The following ARAP2 variants were observed in gnomAD, a reference collection of about 807,000 sequenced individuals.
The protein encoded by ARAP2 is ArfGAP with RhoGAP domain, ankyrin repeat and PH domain 2.
In ARAP2, 148 loss-of-function variants were observed where a neutral mutation model predicts 194.5. The observed-to-expected ratio is 0.76, with a 90% confidence interval of 0.67 to 0.87. The LOEUF (loss-of-function observed/expected upper bound fraction) is 0.87, where lower values mean the gene tolerates loss of function less well. Ranked by LOEUF, ARAP2 falls within the 40% of genes least tolerant of loss-of-function variation. ARAP2 has a pLI of 0.00. For missense variants in ARAP2, 2,128 were observed against 1,989.7 expected (o/e 1.07, Z -1.32); for synonymous variants, 695 against 683.5 (o/e 1.02, Z -0.26).
At chr4:36,071,774 T>C (rs902076283) in intron 32 of ARAP2, among the ~76,000 whole-genome samples, 2 of 151,358 alleles carry the variant, frequency 1.3e-5, no homozygotes, top group African/African-American at 2.4e-5. Context: ...TATGTATACA[T>C]GTGCCATGCT....
At chr4:36,052,778 C>A (rs912401311) in intron 2 of ARAP2, among the ~76,000 whole-genome samples, 14 of 152,056 alleles carry the variant, frequency 9.2e-5, no homozygotes, top group African/African-American at 3.4e-4. Context: ...TCGTGGCTAG[C>A]ACGGTGAAAC....
chr4:36,031,884 G>T (rs930252354), intron 5 of ARAP2, among the ~76,000 whole-genome samples: 3 of 152,012 alleles, frequency 2.0e-5, no homozygotes, highest in Non-Finnish European at 4.4e-5. Context: ...GGACAGGCTG[G>T]TCTTGAACTC....
intron 27 of ARAP2, among the ~76,000 whole-genome samples, chr4:36,105,853 T>C (rs1718270955): frequency 1.3e-5 from 2 of 151,984 alleles, no homozygotes; most frequent in Admixed American, 6.6e-5. Flanking sequence ...GCCAACCTAC[T>C]AGCATTCACA....
chr4:36,022,183 T>C (rs1320329820), intron 5 of ARAP2, among the ~76,000 whole-genome samples: 1 of 152,208 alleles, frequency 6.6e-6, no homozygotes, highest in Non-Finnish European at 1.5e-5. Context: ...ATGACTATAG[T>C]GGAGAGGTAG....
chr4:36,053,427 A>G (rs1577672054), intron 2 of ARAP2, among the ~76,000 whole-genome samples: 1 of 152,188 alleles, frequency 6.6e-6, no homozygotes, highest in Non-Finnish European at 1.5e-5. Context: ...CTACCAAAAT[A>G]TAGAACATTA....
At chr4:36,175,915 T>C (rs1737804438) in intron 9 of ARAP2, among the ~76,000 whole-genome samples, 1 of 152,168 alleles carries the variant, frequency 6.6e-6, no homozygotes, top group Non-Finnish European at 1.5e-5. Context: ...CTTGTTTGAC[T>C]TTTCCTCTTG....
At chr4:36,135,499 AT>A (rs1193335281) in intron 19 of ARAP2, among the ~76,000 whole-genome samples, 4 of 151,536 alleles carry the variant, frequency 2.6e-5, no homozygotes, top group Non-Finnish European at 5.9e-5. Flanking sequence ...TATTGTTTCT[AT>A]TTTCCACAAC....
At chr4:36,238,768 T>G (rs1752921327) in intron 1 of ARAP2, among the ~76,000 whole-genome samples, 1 of 152,172 alleles carries the variant, frequency 6.6e-6, no homozygotes, top group Admixed American at 6.5e-5. Context: ...GCAATGGTAA[T>G]GTAGAATTTA....
chr4:36,104,918 A>G (rs1420490096), intron 27 of ARAP2, among the ~76,000 whole-genome samples: 18 of 152,018 alleles, frequency 1.2e-4, no homozygotes, highest in African/African-American at 4.8e-5. Context: ...AGTTCCTGGT[A>G]CAATAACAAG....
rs184956113 is a variant in ARAP2, at chr4:36,131,537, T to C, written c.3427+1689A>G. On this transcript the variant is annotated intron_variant, in intron 20 of 32. Transcript: ENST00000303965. ...ATTCTAACATGCAAGTGAAGGCATCTTGTAATAGAGGTATAAAGTTGTTAT... is the reference window on the plus strand; with the variant it reads ...ATTCTAACATGCAAGTGAAGGCATCCTGTAATAGAGGTATAAAGTTGTTAT... Among the ~76,000 whole-genome samples the C allele has an allele frequency of 1.5e-3, 224 of 151,684 alleles. No individual in the cohort carries two copies. The Middle Eastern group carries it at 0.017, about 12-fold the overall frequency.
At chr4:36,010,236 G>A (rs1714208170) in intron 9 of ARAP2, among the ~76,000 whole-genome samples, 1 of 150,946 alleles carries the variant, frequency 6.6e-6, no homozygotes, top group Non-Finnish European at 1.5e-5. Context: ...ATATATAACT[G>A]ATATAGGTGA....
At chr4:36,139,835 G>C (rs1727811184) in intron 19 of ARAP2, among the ~76,000 whole-genome samples, 1 of 151,584 alleles carries the variant, frequency 6.6e-6, no homozygotes, top group South Asian at 2.1e-4. Context: ...AAATACTCAG[G>C]AATTACTCTG....
At chr4:36,234,644 T>G (rs1752124666) in intron 1 of ARAP2, among the ~76,000 whole-genome samples, 1 of 152,224 alleles carries the variant, frequency 6.6e-6, no homozygotes, top group Admixed American at 6.5e-5. Flanking sequence ...TTTCTGTGCT[T>G]TAGTTTCTTA....
chr4:36,220,193 G>A (rs1180453713), intron 2 of ARAP2, among the ~76,000 whole-genome samples: 1 of 152,072 alleles, frequency 6.6e-6, no homozygotes, highest in Non-Finnish European at 1.5e-5. Flanking sequence ...TTTACAATAT[G>A]CCAGATAGGT....
chr4:36,231,405 C>T (rs1169718134), intron 1 of ARAP2, among the ~76,000 whole-genome samples: 2 of 151,776 alleles, frequency 1.3e-5, no homozygotes, highest in Non-Finnish European at 2.9e-5. Flanking sequence ...TACATACAAA[C>T]TCAATTCTCA....
chr4:36,197,928 C>T (rs891472027), intron 6 of ARAP2, among the ~76,000 whole-genome samples: 1 of 134,372 alleles, frequency 7.4e-6, no homozygotes, highest in Non-Finnish European at 1.6e-5. Context: ...TTCCAGGTCT[C>T]GGTTCCCCGA....
intron 5 of ARAP2, among the ~76,000 whole-genome samples, chr4:36,038,574 C>G (rs1318025437): frequency 6.6e-6 from 1 of 152,190 alleles, no homozygotes; most frequent in Non-Finnish European, 1.5e-5. Flanking sequence ...CTCAACAGAG[C>G]TATAAAAGTA....
chr4:36,180,374 A>G (rs1406214895), intron 8 of ARAP2, among the ~76,000 whole-genome samples: 2 of 152,228 alleles, frequency 1.3e-5, no homozygotes, highest in Non-Finnish European at 2.9e-5. Flanking sequence ...CATAAACCAA[A>G]AGACATTAAA....
intron 1 of ARAP2, among the ~76,000 whole-genome samples, chr4:36,238,883 CAAATATGACCA>C (rs1291571697): frequency 6.6e-6 from 1 of 152,086 alleles, no homozygotes; most frequent in East Asian, 1.9e-4. Flanking sequence ...ATCAAATAAT[CAAATATGACCA>C]AAATAAGTAT....
Sources: allele counts gnomAD v4.1 joint callset (sites outside exome capture counted in the v4.1 genomes callset), GRCh38; gene constraint gnomAD v4.1.1; transcripts MANE v1.5; gene names NCBI Gene and HGNC (gene_info 2026-07-23, HGNC 2026-07-21).